CNTNAP5: variants seen among roughly 807,000 people sequenced by gnomAD.
CNTNAP5 encodes contactin associated protein family member 5.
CNTNAP5 carries 72 observed loss-of-function variants against 150.2 expected under a neutral mutation model. The observed-to-expected ratio is 0.48, with a 90% CI of 0.40 to 0.58. The LOEUF (loss-of-function observed/expected upper bound fraction) is 0.58. CNTNAP5 is among the 20% of genes least tolerant of loss of function. CNTNAP5 has a pLI of 0.00. For synonymous variants in CNTNAP5, 672 were observed against 619.8 expected (o/e 1.08, Z -1.25); for missense variants, 1,636 against 1,626.2 (o/e 1.01, Z -0.10).
intron 3 of CNTNAP5, among the ~76,000 whole-genome samples, chr2:124,334,853 C>A (rs1689432426): frequency 6.6e-6 from 1 of 151,758 alleles, no homozygotes; most frequent in East Asian, 1.9e-4. Flanking sequence ...GACTTTCCAA[C>A]TTAAAGAATA....
intron 3 of CNTNAP5, among the ~76,000 whole-genome samples, chr2:124,283,924 C>G (rs1267008519): frequency 6.6e-6 from 1 of 152,164 alleles, no homozygotes; most frequent in Non-Finnish European, 1.5e-5. Flanking sequence ...CCCAGTGTTA[C>G]TGCATTGTTG....
chr2:124,691,990 G>A (rs938601663), intron 13 of CNTNAP5, among the ~76,000 whole-genome samples: 6 of 152,158 alleles, frequency 3.9e-5, no homozygotes, highest in South Asian at 2.1e-4. Flanking sequence ...GAGATATATC[G>A]GCTTTTACTT....
intron 6 of CNTNAP5, among the ~76,000 whole-genome samples, chr2:124,457,326 T>C (rs1353605807): frequency 6.6e-6 from 1 of 152,218 alleles, no homozygotes; most frequent in Non-Finnish European, 1.5e-5. Context: ...GAAGAGCTTT[T>C]GCACAGCAAA....
intron 1 of CNTNAP5, among the ~76,000 whole-genome samples, chr2:124,144,042 A>G (rs1284881248): frequency 6.6e-6 from 1 of 151,194 alleles, no homozygotes; most frequent in East Asian, 2.0e-4. Flanking sequence ...CCCATTCACA[A>G]TTGCTTTAAA....
chr2:124,644,565 G>A (rs1678164603), intron 12 of CNTNAP5, among the ~76,000 whole-genome samples: 1 of 152,144 alleles, frequency 6.6e-6, no homozygotes, highest in African/African-American at 2.4e-5. Context: ...ATATGGATAT[G>A]AAAATCTATG....
intron 3 of CNTNAP5, among the ~76,000 whole-genome samples, chr2:124,322,293 T>G (rs1689121064): frequency 1.3e-5 from 2 of 152,232 alleles, no homozygotes; most frequent in African/African-American, 4.8e-5. Context: ...ATTCGACAGA[T>G]GACAAACAAA....
chr2:124,866,880 T>C (rs1677643340), intron 20 of CNTNAP5, among the ~76,000 whole-genome samples: 1 of 152,218 alleles, frequency 6.6e-6, no homozygotes, highest in South Asian at 2.1e-4. Flanking sequence ...ATTGCCAGTT[T>C]GTCTTAACTC....
intron 19 of CNTNAP5, among the ~76,000 whole-genome samples, chr2:124,833,227 A>G (rs763774492): frequency 2.0e-5 from 3 of 152,118 alleles, no homozygotes; most frequent in Admixed American, 1.3e-4. Context: ...TCCCTTCCTA[A>G]GAAACAAAAG....
At chr2:124,757,436 A>G (rs1158260406) in intron 14 of CNTNAP5, among the ~76,000 whole-genome samples, 1 of 152,190 alleles carries the variant, frequency 6.6e-6, no homozygotes, top group Non-Finnish European at 1.5e-5. Flanking sequence ...GGCGGCACAG[A>G]CTAATGTGAG....
At position 124,730,767 on chromosome 2, in the gene CNTNAP5, G is replaced by A. The variant is rs535408154; in HGVS notation, c.2078-16462G>A. Among the ~76,000 whole-genome samples, 220 of 152,020 alleles carry A rather than the reference G, an allele frequency of 1.4e-3. 1 individual carries two copies. The highest frequency in any genetic ancestry group is 5.0e-3 in the African/African-American group (209 of 41,468). On this transcript the variant is annotated intron_variant, in intron 13 of 23. Transcript: ENST00000682447. ...AGAATAATTAAATGACCTTTGTGGG[G>A]TATTATGGAATAGAAAATCCTCAAA...
At chr2:124,628,746 C>A (rs1677783058) in intron 12 of CNTNAP5, among the ~76,000 whole-genome samples, 2 of 152,194 alleles carry the variant, frequency 1.3e-5, no homozygotes, top group South Asian at 4.2e-4. Context: ...GCTAAATGCC[C>A]CAAATAAAAG....
intron 1 of CNTNAP5, among the ~76,000 whole-genome samples, chr2:124,078,652 T>C (rs1682491969): frequency 6.6e-6 from 1 of 152,256 alleles, no homozygotes; most frequent in South Asian, 2.1e-4. Flanking sequence ...AGAGATAGAA[T>C]ATACTTTCTG....
chr2:124,707,152 A>G (rs376184621), intron 13 of CNTNAP5, among the ~76,000 whole-genome samples: 5,660 of 62,726 alleles, frequency 0.09, 366 homozygotes, highest in Non-Finnish European at 0.14. Flanking sequence ...AAGAAGAAGA[A>G]GAAGAAGAAG....
At chr2:124,433,069 C>T (rs1478804091) in intron 4 of CNTNAP5, among the ~76,000 whole-genome samples, 7 of 152,136 alleles carry the variant, frequency 4.6e-5, no homozygotes, top group South Asian at 2.1e-4. Context: ...ACCAAGGTAA[C>T]CCAACTAACA....
At chr2:124,249,408 C>T (rs1249218014) in intron 3 of CNTNAP5, among the ~76,000 whole-genome samples, 1 of 152,082 alleles carries the variant, frequency 6.6e-6, no homozygotes, top group Non-Finnish European at 1.5e-5. Flanking sequence ...ATTTTACAAC[C>T]TGCACTCTCT....
intron 3 of CNTNAP5, among the ~76,000 whole-genome samples, chr2:124,327,297 A>T (rs1689243663): frequency 6.6e-6 from 1 of 152,098 alleles, no homozygotes; most frequent in Non-Finnish European, 1.5e-5. Flanking sequence ...TTTTAAAAAC[A>T]AAAACTAAAA....
chr2:124,176,440 G>T (rs188854623), intron 1 of CNTNAP5, among the ~76,000 whole-genome samples: 2 of 152,280 alleles, frequency 1.3e-5, no homozygotes, highest in East Asian at 3.9e-4. Context: ...GGATAGTATA[G>T]GGGCCAAGGG....
chr2:124,776,626 A>G (rs1364306434), intron 17 of CNTNAP5, among the ~76,000 whole-genome samples: 1 of 152,132 alleles, frequency 6.6e-6, no homozygotes, highest in African/African-American at 2.4e-5. Context: ...CTTATATTTT[A>G]TGCTTGTGAG....
chr2:124,166,281 C>A (rs1486678736), intron 1 of CNTNAP5, among the ~76,000 whole-genome samples: 1 of 152,098 alleles, frequency 6.6e-6, no homozygotes, highest in African/African-American at 2.4e-5. Flanking sequence ...TGGCTGTAAT[C>A]CTGATTAAAG....
Sources: gnomAD v4.1 joint callset for allele counts (sites outside exome capture counted in the v4.1 genomes callset) on GRCh38, gnomAD v4.1.1 for gene constraint, MANE v1.5 for transcripts, NCBI Gene and HGNC (gene_info 2026-07-23, HGNC 2026-07-21) for gene names.